The following ASTN2 variants were observed in gnomAD, a reference collection of about 807,000 sequenced individuals.
ASTN2 encodes astrotactin-2.
Under a neutral mutation model 139.8 loss-of-function variants are expected in ASTN2, and 54 were observed. The ratio of observed to expected loss-of-function variants is 0.39; its 90% CI spans 0.31 to 0.48. The LOEUF (loss-of-function observed/expected upper bound fraction) is 0.48, where lower values mean the gene tolerates loss of function less well. ASTN2 is among the 20% of genes least tolerant of loss of function. The probability of loss-of-function intolerance (pLI) is 0.95; values close to 1 mark genes in which losing one functional copy is unlikely to be tolerated. For missense variants in ASTN2, 1,565 were observed against 1,725.1 expected (o/e 0.91, Z 1.64); for synonymous variants, 756 against 719.5 (o/e 1.05, Z -0.81).
intron 19 of ASTN2, among the ~76,000 whole-genome samples, chr9:116,578,622 G>GCGCGCGCA (rs2131706129): frequency 1.5e-4 from 2 of 13,262 alleles, no homozygotes; most frequent in African/African-American, 5.2e-4. Flanking sequence ...GCTCCAACGT[G>GCGCGCGCA]TGTGTGTGTG....
intron 13 of ASTN2, among the ~76,000 whole-genome samples, chr9:116,787,042 C>A (rs1271773082): frequency 6.6e-6 from 1 of 152,222 alleles, no homozygotes; most frequent in Non-Finnish European, 1.5e-5. Context: ...AAGGCCTCCC[C>A]AGCCATGGGG....
intron 13 of ASTN2, among the ~76,000 whole-genome samples, chr9:116,761,431 G>T (rs1401595777): frequency 6.6e-6 from 1 of 152,168 alleles, no homozygotes; most frequent in African/African-American, 2.4e-5. Flanking sequence ...GCGCAGAGTA[G>T]GAAGGATCAC....
chr9:116,706,033 C>T (rs1827980586), intron 16 of ASTN2, among the ~76,000 whole-genome samples: 1 of 151,954 alleles, frequency 6.6e-6, no homozygotes, highest in Non-Finnish European at 1.5e-5. Flanking sequence ...GTACCCATGG[C>T]TCAGTGAGGC....
chr9:117,387,811 C>T (rs540441949), intron 1 of ASTN2, among the ~76,000 whole-genome samples: 1 of 152,288 alleles, frequency 6.6e-6, no homozygotes, highest in East Asian at 1.9e-4. Flanking sequence ...AGAAAGTCAT[C>T]ACTTTTGCCA....
intron 3 of ASTN2, among the ~76,000 whole-genome samples, chr9:117,207,355 C>A (rs1254948207): frequency 6.6e-6 from 1 of 152,172 alleles, no homozygotes; most frequent in Non-Finnish European, 1.5e-5. Flanking sequence ...CTGTACCCAC[C>A]CATGGTAGCC....
intron 6 of ASTN2, among the ~76,000 whole-genome samples, chr9:117,013,080 A>C (rs1837579012): frequency 6.6e-6 from 1 of 152,094 alleles, no homozygotes; most frequent in South Asian, 2.1e-4. Context: ...TTGAAGGCAA[A>C]GCCCGGCTTC....
intron 20 of ASTN2, among the ~76,000 whole-genome samples, chr9:116,451,615 C>T (rs1848177467): frequency 6.6e-6 from 1 of 152,142 alleles, no homozygotes; most frequent in Admixed American, 6.5e-5. Flanking sequence ...TCTTTCAAAA[C>T]AGTGGACTAA....
At chr9:117,027,517 C>T (rs1838122212) in intron 6 of ASTN2, among the ~76,000 whole-genome samples, 1 of 152,158 alleles carries the variant, frequency 6.6e-6, no homozygotes, top group African/African-American at 2.4e-5. Context: ...ATGCTGTTCT[C>T]TTTACCTGGA....
intron 2 of ASTN2, among the ~76,000 whole-genome samples, chr9:117,245,317 C>G (rs1833347152): frequency 6.6e-6 from 1 of 152,214 alleles, no homozygotes; most frequent in Admixed American, 6.5e-5. Context: ...GGCTAATAAG[C>G]CTGCTATCCA....
chr9:116,873,095 C>T (rs1833207984), intron 10 of ASTN2, among the ~76,000 whole-genome samples: 2 of 152,126 alleles, frequency 1.3e-5, no homozygotes, highest in South Asian at 4.1e-4. Flanking sequence ...TCATAATATG[C>T]CAATAAATGG....
At chr9:117,275,962 A>C (rs1834178756) in intron 2 of ASTN2, among the ~76,000 whole-genome samples, 1 of 152,170 alleles carries the variant, frequency 6.6e-6, no homozygotes, top group Non-Finnish European at 1.5e-5. Flanking sequence ...GTTGAGCTTC[A>C]ACATATTAAT....
intron 22 of ASTN2, among the ~76,000 whole-genome samples, chr9:116,432,408 A>T (rs10983154): frequency 0.2 from 30,228 of 152,192 alleles, 3,477 homozygotes; most frequent in Middle Eastern, 0.29. Flanking sequence ...ATCAGAAGAC[A>T]ATATTCTAAA....
chr9:116,955,925 C>T (rs1162822958), intron 10 of ASTN2, among the ~76,000 whole-genome samples: 1 of 152,124 alleles, frequency 6.6e-6, no homozygotes, highest in Non-Finnish European at 1.5e-5. Context: ...CAAGAAACTA[C>T]AGTCAACATG....
chr9:116,902,906 C>G (rs1834057215), intron 10 of ASTN2, among the ~76,000 whole-genome samples: 1 of 152,084 alleles, frequency 6.6e-6, no homozygotes, highest in Non-Finnish European at 1.5e-5. Flanking sequence ...AAAGTTAAGG[C>G]TATTCCCATG....
intron 1 of ASTN2, among the ~76,000 whole-genome samples, chr9:117,360,849 T>C (rs1829672506): frequency 6.6e-6 from 1 of 152,210 alleles, no homozygotes; most frequent in African/African-American, 2.4e-5. Context: ...TCTAAAAATC[T>C]GTGCTTTAGA....
chr9:116,688,146 G>A (rs1419193421), intron 16 of ASTN2, among the ~76,000 whole-genome samples: 1 of 152,048 alleles, frequency 6.6e-6, no homozygotes, highest in Non-Finnish European at 1.5e-5. Context: ...GTGTGGCAGA[G>A]ATTTGGAAAT....
At chr9:116,844,358 T>G (rs1256792692) in intron 11 of ASTN2, among the ~76,000 whole-genome samples, 1 of 152,186 alleles carries the variant, frequency 6.6e-6, no homozygotes, top group African/African-American at 2.4e-5. Context: ...TCCACAGCTA[T>G]TTGGGGACAG....
chr9:117,228,903 G>A (rs1399069528), intron 2 of ASTN2, among the ~76,000 whole-genome samples: 1 of 152,042 alleles, frequency 6.6e-6, no homozygotes, highest in African/African-American at 2.4e-5. Flanking sequence ...TATTAGGGGG[G>A]CTGAGGCAGG....
At position 116,793,968 on chromosome 9, in the gene ASTN2, G is replaced by A. The variant is rs569498323; in HGVS notation, c.2396+11664C>T. ...GGATCATATGGTTTGGACCAGGAGT[G>A]TCCAATTTTTTGGCTTCCCTGGGCC... On this transcript the variant is annotated intron_variant, in intron 13 of 22. Coordinates refer to ENST00000313400, the MANE Select transcript of ASTN2 (RefSeq NM_001365068.1). 9.2e-5 allele frequency among the ~76,000 whole-genome samples: 14 copies of A among 152,196 alleles called. No individual in the cohort carries two copies. In the East Asian group the frequency reaches 1.9e-3, roughly 21 times the overall value.
Sources: allele counts gnomAD v4.1 joint callset (sites outside exome capture counted in the v4.1 genomes callset), GRCh38; gene constraint gnomAD v4.1.1; transcripts MANE v1.5; gene names NCBI Gene and HGNC (gene_info 2026-07-23, HGNC 2026-07-21).